Variants in RARG observed in about 807,000 individuals in gnomAD.
RARG encodes the protein retinoic acid receptor gamma, also known as RAR-gamma.
A neutral mutation model predicts 43.7 loss-of-function variants in RARG; 17 were observed. That is an observed-to-expected ratio of 0.39 (90% confidence interval 0.27 to 0.58). The LOEUF (loss-of-function observed/expected upper bound fraction) is 0.58. Ranked by LOEUF, RARG falls within the 20% of genes least tolerant of loss-of-function variation. RARG has a pLI of 0.57. For missense variants in RARG, 346 were observed against 598.7 expected, an observed-to-expected ratio of 0.58 and a Z score of 4.40; for synonymous variants, 238 against 236.4, an observed-to-expected ratio of 1.01 and a Z score of -0.06.
At position 53,222,938 on chromosome 12, in the gene RARG, C is replaced by T. The variant is rs1024532812; in HGVS notation, c.184+4424G>A. Among the ~76,000 whole-genome samples, 6 of 152,252 alleles carry T rather than the reference C, an allele frequency of 3.9e-5. No homozygotes were observed. The South Asian group carries it at 1.0e-3, about 26-fold the overall frequency. Reference sequence around the variant, plus strand: ...GGGCTGCTGCCTGACTCACCCCCTTCCCTATGATCCCCACCACCAGGGCAT... The same window carrying T: ...GGGCTGCTGCCTGACTCACCCCCTTTCCTATGATCCCCACCACCAGGGCAT... On this transcript the variant is annotated intron_variant, in intron 3 of 9. Coordinates refer to ENST00000425354, the MANE Select transcript of RARG (RefSeq NM_000966.6).
At position 53,232,009 on chromosome 12, in the gene RARG, C is replaced by A. The variant is rs921006860; in HGVS notation, c.-245G>T. ...AGGGGGAAGGGAGGCGGCGGAGCCC[C>A]GAGGTCCCGGCGTCGGGCAGTCTCT... is the stretch of plus-strand genomic sequence containing the variant. On this transcript the variant is annotated 5_prime_UTR_variant, in exon 1 of 10. Coordinates refer to ENST00000425354, the MANE Select transcript of RARG (RefSeq NM_000966.6). 7 of 397,546 alleles carry A rather than the reference C, an allele frequency of 1.8e-5. No homozygotes were observed. The highest frequency in any genetic ancestry group is 1.2e-4 in the African/African-American group (6 of 48,576). 24.6% of individuals were successfully genotyped at this position (397,546 alleles called of 1,614,324 possible).
At chr12:53,228,217 C>T (rs1367683498) in intron 2 of RARG, among the ~76,000 whole-genome samples, 1 of 152,158 alleles carries the variant, frequency 6.6e-6, no homozygotes, top group Non-Finnish European at 1.5e-5. Context: ...GTTAGGGGGA[C>T]AGACTCTAGA....
In RARG at chr12:53,215,268, G is replaced by A; in HGVS notation, c.475+25C>T. The stretch of plus-strand genomic sequence containing the variant: ...CATAGGGTAGGACCGAAGTGCTCCT[G>A]CCCAAGCCAAGGATGGCAGCCTACC... On this transcript the variant is annotated intron_variant, in intron 5 of 9. Coordinates refer to ENST00000425354, the MANE Select transcript of RARG (RefSeq NM_000966.6). The surrounding 1 kb of genome is among the most constrained non-coding windows in gnomAD (Gnocchi z 6.4). The A allele has an allele frequency of 6.2e-7, 1 of 1,612,116 alleles. No homozygotes were observed. Among genetic ancestry groups the A allele is most frequent in the Non-Finnish European group, 8.5e-7 (1 of 1,178,910 alleles).
chr12:53,220,191 C>G, intron 3 of RARG: 1 of 1,360,934 alleles, frequency 7.3e-7, no homozygotes, highest in Non-Finnish European at 9.7e-7. Flanking sequence ...CCCGCTCCAG[C>G]AGGGGGGGAG....
intron 9 of RARG, among the ~76,000 whole-genome samples, chr12:53,212,765 C>T (rs1942638420): frequency 6.6e-6 from 1 of 150,626 alleles, no homozygotes; most frequent in African/African-American, 2.5e-5. Context: ...CACACACACA[C>T]ACACACACAC....
chr12:53,218,861 C>G (rs1215174804), intron 3 of RARG, among the ~76,000 whole-genome samples: 1 of 151,740 alleles, frequency 6.6e-6, no homozygotes, highest in Non-Finnish European at 1.5e-5. Context: ...CCGGGCCGTC[C>G]GCACCCAGGC....
chr12:53,217,239 T>C (rs898400220), intron 3 of RARG, among the ~76,000 whole-genome samples: 24 of 152,234 alleles, frequency 1.6e-4, no homozygotes, highest in Admixed American at 9.8e-4. Flanking sequence ...GAAGGGTGCC[T>C]GGAGTCTATT....
chr12:53,221,051 G>A (rs1255550118), intron 3 of RARG, among the ~76,000 whole-genome samples: 1 of 151,870 alleles, frequency 6.6e-6, no homozygotes, highest in Non-Finnish European at 1.5e-5. Flanking sequence ...CGCTCCCGCC[G>A]TGAACTCTCT....
chr12:53,213,943 A>T lies in RARG; in HGVS notation c.813+116T>A. ...GGCTAAGACGAAAAGAGAGCTGAGGAGTCCCACATGTGTGGCAGGGGGTGC... is the reference window on the plus strand; with the variant it reads ...GGCTAAGACGAAAAGAGAGCTGAGGTGTCCCACATGTGTGGCAGGGGGTGC... On this transcript the variant is annotated intron_variant, in intron 7 of 9. Coordinates refer to ENST00000425354, the MANE Select transcript of RARG (RefSeq NM_000966.6). This position sits in a 1 kb window ranked among gnomAD's most constrained non-coding sequence, Gnocchi z 4.7. 1 of 1,254,356 alleles carries T rather than the reference A, an allele frequency of 8.0e-7. No homozygotes were observed. The highest frequency in any genetic ancestry group is 1.4e-5 in the South Asian group (1 of 72,494). 77.7% of individuals were successfully genotyped at this position (1,254,356 alleles called of 1,614,324 possible).
At chr12:53,219,104 T>C (rs1385915878) in intron 3 of RARG, among the ~76,000 whole-genome samples, 1 of 152,150 alleles carries the variant, frequency 6.6e-6, no homozygotes, top group Non-Finnish European at 1.5e-5. Flanking sequence ...AGATAGATAT[T>C]TGGGGACCCA....
intron 3 of RARG, chr12:53,220,268 C>A: frequency 7.4e-7 from 1 of 1,359,000 alleles, no homozygotes; most frequent in Non-Finnish European, 9.6e-7. Flanking sequence ...AGGGGGGATC[C>A]CCAGCAGGGG....
At chr12:53,224,686 C>T (rs1222765401) in intron 3 of RARG, among the ~76,000 whole-genome samples, 2 of 151,954 alleles carry the variant, frequency 1.3e-5, no homozygotes, top group South Asian at 2.1e-4. Flanking sequence ...CCATTAAAGC[C>T]GCATAGCAAC....
intron 3 of RARG, among the ~76,000 whole-genome samples, chr12:53,221,682 G>A (rs1014090916): frequency 1.3e-5 from 2 of 151,470 alleles, no homozygotes; most frequent in African/African-American, 4.9e-5. Context: ...GCCGAATGGG[G>A]GGACCCTGGC....
At position 53,215,475 on chromosome 12, in the gene RARG, G is replaced by A; in HGVS notation, c.334-41C>T. ...AGAGAGAGGGCCTCTGAAGCACAAT[G>A]CTGGGAGTACCAGCCTCTCACTGGC... On this transcript the variant is annotated intron_variant, in intron 4 of 9. Transcript: ENST00000425354. The surrounding 1 kb of genome is among the most constrained non-coding windows in gnomAD (Gnocchi z 6.4). 4 of 1,612,282 alleles carry A rather than the reference G, an allele frequency of 2.5e-6. No individual in the cohort carries two copies. Among genetic ancestry groups the A allele is most frequent in the East Asian group, 2.2e-5 (1 of 44,858 alleles).
At chr12:53,224,462 A>G (rs566628536) in intron 3 of RARG, among the ~76,000 whole-genome samples, 37 of 152,274 alleles carry the variant, frequency 2.4e-4, no homozygotes, top group African/African-American at 8.4e-4. Flanking sequence ...CACAAACTCA[A>G]TGTGAGTATG....
Position 53,213,921 on chromosome 12 carries a change from T to C in RARG, c.813+138A>G, listed in dbSNP as rs1942681956. On this transcript the variant is annotated intron_variant, in intron 7 of 9. Coordinates refer to ENST00000425354, the MANE Select transcript of RARG (RefSeq NM_000966.6). This position sits in a 1 kb window ranked among gnomAD's most constrained non-coding sequence, Gnocchi z 4.7. Reference sequence around the variant, plus strand: ...AGGATCAGGTCATAGGGGCAGAGGCTAAGACGAAAAGAGAGCTGAGGAGTC... The same window carrying C: ...AGGATCAGGTCATAGGGGCAGAGGCCAAGACGAAAAGAGAGCTGAGGAGTC... 1.7e-6 allele frequency: 2 copies of C among 1,189,114 alleles called. No individual in the cohort carries two copies. Among genetic ancestry groups the C allele is most frequent in the Non-Finnish European group, 2.4e-6 (2 of 839,094 alleles). 73.7% of individuals were successfully genotyped at this position (1,189,114 alleles called of 1,614,324 possible).
chr12:53,217,518 G>C (rs1942810926), intron 3 of RARG, among the ~76,000 whole-genome samples: 1 of 152,224 alleles, frequency 6.6e-6, no homozygotes, highest in Non-Finnish European at 1.5e-5. Context: ...TATAAGACTG[G>C]GGGCCTTAGG....
chr12:53,214,374 T>C (rs1302621713), intron 6 of RARG, 72 bp downstream of exon 6: 3 of 1,570,830 alleles, frequency 1.9e-6, no homozygotes, highest in African/African-American at 2.7e-5. Context: ...GATGATAGCC[T>C]CCAACACAAC....
intron 7 of RARG, 51 bp downstream of exon 7, chr12:53,214,008 G>A (rs758674037): frequency 6.4e-7 from 1 of 1,554,210 alleles, no homozygotes; most frequent in Non-Finnish European, 8.8e-7. Flanking sequence ...GAATTGTTGA[G>A]GGTCCCATAT....
Sources: gnomAD v4.1 joint callset for allele counts (sites outside exome capture counted in the v4.1 genomes callset) on GRCh38, gnomAD v4.1.1 for gene constraint, Gnocchi (gnomAD v3.1) non-coding constraint, MANE v1.5 for transcripts, NCBI Gene and HGNC (gene_info 2026-07-23, HGNC 2026-07-21) for gene names.